The following HPGDS variants were observed in gnomAD, a reference collection of about 807,000 sequenced individuals.
The protein encoded by HPGDS is GST class-sigma.
A neutral mutation model predicts 23.1 loss-of-function variants in HPGDS; 26 were observed. That is an observed-to-expected ratio of 1.13 (90% CI 0.83 to 1.56). The LOEUF is 1.56. Ranked by LOEUF, HPGDS falls within the 40% of genes most tolerant of loss-of-function variation. The pLI, the probability that HPGDS is intolerant of heterozygous loss-of-function variation, is 0.00. For missense variants in HPGDS, 268 were observed against 236.4 expected, an observed-to-expected ratio of 1.13 and a Z score of -0.88; for synonymous variants, 95 against 77.9, an observed-to-expected ratio of 1.22 and a Z score of -1.16.
intron 1 of HPGDS, 109 bp from the exon 2 acceptor site, chr4:94,334,747 A>T: frequency 2.2e-6 from 2 of 927,908 alleles, no homozygotes. Flanking sequence ...AGATTACTGG[A>T]GACATTAGAG....
chr4:94,314,033 A>G (rs1449134781), intron 3 of HPGDS, among the ~76,000 whole-genome samples: 2 of 152,200 alleles, frequency 1.3e-5, no homozygotes, highest in East Asian at 1.9e-4. Context: ...CTAGTTAGCC[A>G]TTCATCTAAT....
chr4:94,318,275 TA>T (rs1756435420), intron 2 of HPGDS, among the ~76,000 whole-genome samples: 1 of 152,212 alleles, frequency 6.6e-6, no homozygotes, highest in Admixed American at 6.5e-5. Context: ...AAAACTTCAT[TA>T]TTTTTTGCAG....
chr4:94,325,980 T>G (rs1413986555), intron 2 of HPGDS, among the ~76,000 whole-genome samples: 1 of 142,396 alleles, frequency 7.0e-6, no homozygotes, highest in African/African-American at 2.8e-5. Flanking sequence ...GCTGACAGGT[T>G]TTTTTTTTTT....
At chr4:94,328,691 T>C (rs1756683236) in intron 2 of HPGDS, among the ~76,000 whole-genome samples, 1 of 152,226 alleles carries the variant, frequency 6.6e-6, no homozygotes, top group African/African-American at 2.4e-5. Context: ...CATTTCACAG[T>C]ATCTTTTAAA....
chr4:94,336,205 CA>C (rs11349997), intron 1 of HPGDS, among the ~76,000 whole-genome samples: 74,175 of 119,650 alleles, frequency 0.62, 20,269 homozygotes, highest in Middle Eastern at 0.67. Flanking sequence ...GACGCCGTCT[CA>C]AAAAAAAAAA....
intron 2 of HPGDS, among the ~76,000 whole-genome samples, chr4:94,333,255 T>A (rs2126045448): frequency 6.6e-6 from 1 of 152,326 alleles, no homozygotes; most frequent in South Asian, 2.1e-4. Context: ...AACTCTGGAT[T>A]TTTACCTGTG....
At chr4:94,321,473 C>T (rs982128723) in intron 2 of HPGDS, among the ~76,000 whole-genome samples, 41 of 152,208 alleles carry the variant, frequency 2.7e-4, no homozygotes, top group Non-Finnish European at 1.5e-5. Context: ...TGAAGAGGTC[C>T]TTCACATCCC....
At chr4:94,324,144 G>C (rs1756579111) in intron 2 of HPGDS, among the ~76,000 whole-genome samples, 1 of 152,158 alleles carries the variant, frequency 6.6e-6, no homozygotes, top group Non-Finnish European at 1.5e-5. Flanking sequence ...TAGTCTGATG[G>C]GCTTCCCTTT....
At position 94,340,311 on chromosome 4, in the gene HPGDS, C is replaced by CTTTCTTTTTCTTTTCTTTTTTTTTT; in HGVS notation, c.-10+2483_-10+2484insAAAAAAAAAAGAAAAGAAAAAGAAA. 6.8e-4 allele frequency among the ~76,000 whole-genome samples: 16 copies of CTTTCTTTTTCTTTTCTTTTTTTTTT among 23,688 alleles called. 2 individuals are homozygous for CTTTCTTTTTCTTTTCTTTTTTTTTT. Among genetic ancestry groups the CTTTCTTTTTCTTTTCTTTTTTTTTT allele is most frequent in the Non-Finnish European group, 1.4e-3 (16 of 11,514 alleles). The allele number at this position is 23,688 out of a possible 152,430, so 15.5% of individuals were successfully genotyped here. On this transcript the variant is annotated intron_variant, in intron 1 of 5. Transcript: ENST00000295256. Reference sequence around the variant, plus strand: ...TTTCTTTCTTTCTTTCTTTCTTTCTCTTTTTTTTTTTTTTTTTTTTTTTTT... The same window carrying CTTTCTTTTTCTTTTCTTTTTTTTTT: ...TTTCTTTCTTTCTTTCTTTCTTTCTCTTTCTTTTTCTTTTCTTTTTTTTTTTTTTTTTTTTTTTTTTTTTTTTTTT...
intron 3 of HPGDS, among the ~76,000 whole-genome samples, chr4:94,314,901 A>C (rs1756363797): frequency 6.6e-6 from 1 of 152,316 alleles, no homozygotes; most frequent in South Asian, 2.1e-4. Context: ...CTGTGCTAGC[A>C]ATGAGCAAGG....
chr4:94,330,710 A>ATT (rs1344883876), intron 2 of HPGDS, among the ~76,000 whole-genome samples: 3 of 151,552 alleles, frequency 2.0e-5, no homozygotes, highest in African/African-American at 4.9e-5. Context: ...TTTTTCATTT[A>ATT]TTTGTCCTAT....
chr4:94,306,285 C>T (rs570137682), intron 4 of HPGDS, among the ~76,000 whole-genome samples: 1 of 151,992 alleles, frequency 6.6e-6, no homozygotes, highest in African/African-American at 2.4e-5. Flanking sequence ...CCACTAGAAG[C>T]TGTAATAAAG....
In HPGDS at chr4:94,318,618, T is replaced by C. The variant is rs191309878; in HGVS notation, c.134-653A>G. On this transcript the variant is annotated intron_variant, in intron 2 of 5. Transcript: ENST00000295256. ...TTGATATAATTTTCATTTTTAAAAA[T>C]TGATTTAAAAAAATTTATTGAGATG... Among the ~76,000 whole-genome samples the C allele has an allele frequency of 2.2e-3, 328 of 152,260 alleles. 2 individuals are homozygous for C. Among genetic ancestry groups the C allele is most frequent in the African/African-American group, 7.6e-3 (315 of 41,554 alleles).
chr4:94,299,604 G>A lies in HPGDS; in HGVS notation c.476C>T (p.Thr159Ile), dbSNP rs771335222. ...ADFYWEICST[T>I]LLVFKPDLLD... is the part of the protein sequence containing the mutation. ...CAGGTCAGGCTTAAAGACCAAAAGT[G>A]TGGTACTGCAAATCTCCCAGTAGAA... Residue 159 changes from threonine to isoleucine, a missense_variant, in exon 6 of 6, where the codon ACA (threonine) becomes ATA (isoleucine). Transcript: ENST00000295256. 2 of 1,614,104 alleles carry A rather than the reference G, an allele frequency of 1.2e-6. No individual in the cohort carries two copies. The highest frequency in any genetic ancestry group is 4.5e-5 in the East Asian group (2 of 44,872).
At position 94,308,736 on chromosome 4, in the gene HPGDS, A is replaced by T. The variant is rs1245868947; in HGVS notation, c.234T>A (p.Ala78=). ...ARYLTKNTDL[A]GNTEMEQCHV... ...GACATTGTTCCATTTCTGTGTTTCC[A>T]GCCAAATCTGTGGAATAGAGAGAGG... is the stretch of plus-strand genomic sequence containing the variant. The change falls in exon 4 of 6, where the codon GCT becomes GCA. Residue 78 remains alanine, a synonymous_variant. Coordinates refer to ENST00000295256, the MANE Select transcript of HPGDS (RefSeq NM_014485.3). 7 of 1,581,634 alleles carry T rather than the reference A, an allele frequency of 4.4e-6. No homozygotes were observed. The highest frequency in any genetic ancestry group is 8.7e-7 in the Non-Finnish European group (1 of 1,152,894).
rs200583370 is a variant in HPGDS at position 94,334,676 on chromosome 4, C to T, written c.-9-38G>A. On this transcript the variant is annotated intron_variant, in intron 1 of 5. Coordinates refer to ENST00000295256, the MANE Select transcript of HPGDS (RefSeq NM_014485.3). The stretch of plus-strand genomic sequence containing the variant: ...AAAGGGAGGGATTATTTTAAGAGCC[C>T]TCTAGAGATGCCTCAATATTTTTCT... 27 of 1,557,648 alleles carry T rather than the reference C, an allele frequency of 1.7e-5. No homozygotes were observed. The Admixed American group carries it at 4.9e-4, about 28-fold the overall frequency.
chr4:94,311,872 T>C (rs1353555038), intron 3 of HPGDS, among the ~76,000 whole-genome samples: 1 of 151,136 alleles, frequency 6.6e-6, no homozygotes, highest in Non-Finnish European at 1.5e-5. Context: ...CTTGGGAGGG[T>C]GTATGTGTCG....
chr4:94,308,608 T>G, intron 4 of HPGDS, 26 bp downstream of exon 4: 1 of 1,232,950 alleles, frequency 8.1e-7, no homozygotes, highest in South Asian at 1.2e-5. Context: ...TAATTAATAC[T>G]AGGAATAGCA....
intron 3 of HPGDS, among the ~76,000 whole-genome samples, chr4:94,309,465 T>C (rs1756214357): frequency 6.6e-6 from 1 of 152,142 alleles, no homozygotes; most frequent in African/African-American, 2.4e-5. Flanking sequence ...GAACTCATCA[T>C]TTTTTATGGC....
Sources: allele counts gnomAD v4.1 joint callset (sites outside exome capture counted in the v4.1 genomes callset), GRCh38; gene constraint gnomAD v4.1.1; transcripts MANE v1.5; gene names NCBI Gene and HGNC (gene_info 2026-07-23, HGNC 2026-07-21).